The following TLL2 variants were observed in gnomAD, a reference collection of about 807,000 sequenced individuals.
TLL2 encodes tolloid like 2.
In TLL2, 106 loss-of-function variants were observed where a neutral mutation model predicts 123.0. The observed-to-expected ratio is 0.86, with a 90% CI of 0.74 to 1.01. The LOEUF (loss-of-function observed/expected upper bound fraction) is 1.01. TLL2 is among the 50% of genes least tolerant of loss of function. The pLI, the probability that TLL2 is intolerant of heterozygous loss-of-function variation, is 0.00. For synonymous variants in TLL2, 494 were observed against 516.8 expected (o/e 0.96, Z 0.60); for missense variants, 1,332 against 1,336.7 (o/e 1.00, Z 0.06).
intron 2 of TLL2, among the ~76,000 whole-genome samples, chr10:96,460,651 G>A (rs1047031375): frequency 6.6e-6 from 1 of 152,156 alleles, no homozygotes; most frequent in Non-Finnish European, 1.5e-5. Flanking sequence ...ATGTGAAGAT[G>A]TGCCTGTTTT....
intron 3 of TLL2, among the ~76,000 whole-genome samples, chr10:96,440,131 G>T (rs1293503108): frequency 6.6e-6 from 1 of 152,078 alleles, no homozygotes; most frequent in Non-Finnish European, 1.5e-5. Flanking sequence ...TGACCTACCT[G>T]CCCTCTACGG....
intron 1 of TLL2, among the ~76,000 whole-genome samples, chr10:96,482,051 A>T (rs1242789092): frequency 2.0e-5 from 3 of 152,108 alleles, no homozygotes; most frequent in Non-Finnish European, 4.4e-5. Flanking sequence ...AGGTCAGGAG[A>T]TCGAGACCAT....
intron 10 of TLL2, among the ~76,000 whole-genome samples, chr10:96,402,665 G>A (rs922478765): frequency 2.0e-5 from 3 of 152,206 alleles, no homozygotes; most frequent in Admixed American, 6.5e-5. Context: ...GCTCCTGTCC[G>A]TACTTGGCCT....
At chr10:96,375,799 G>A (rs559661020) in intron 18 of TLL2, among the ~76,000 whole-genome samples, 34 of 152,200 alleles carry the variant, frequency 2.2e-4, no homozygotes, top group African/African-American at 8.2e-4. Flanking sequence ...TTCCCTCTCT[G>A]TTCTCTTCCA....
intron 4 of TLL2, among the ~76,000 whole-genome samples, chr10:96,430,080 A>G (rs1846722325): frequency 6.6e-6 from 1 of 152,188 alleles, no homozygotes; most frequent in Non-Finnish European, 1.5e-5. Context: ...AAGCAAAACA[A>G]AACAGCTGAC....
intron 3 of TLL2, among the ~76,000 whole-genome samples, chr10:96,433,735 C>T (rs1450253033): frequency 6.6e-6 from 1 of 152,126 alleles, no homozygotes; most frequent in African/African-American, 2.4e-5. Flanking sequence ...TACTTTTTCC[C>T]CTAAAAATCA....
At chr10:96,416,294 A>G (rs545597953) in intron 7 of TLL2, among the ~76,000 whole-genome samples, 23 of 152,362 alleles carry the variant, frequency 1.5e-4, no homozygotes, top group African/African-American at 5.0e-4. Flanking sequence ...CATCACGTAG[A>G]TGACTTTGCC....
intron 18 of TLL2, 123 bp from the exon 19 acceptor site, chr10:96,373,932 A>G: frequency 1.3e-6 from 1 of 798,602 alleles, no homozygotes; most frequent in South Asian, 1.7e-5. Flanking sequence ...CTGGCTGTGC[A>G]GGGGGTGTGT....
chr10:96,480,550 G>T, intron 1 of TLL2, 91 bp from the exon 2 acceptor site: 1 of 1,017,170 alleles, frequency 9.8e-7, no homozygotes, highest in Non-Finnish European at 1.5e-6. Flanking sequence ...GGTGTTGGGT[G>T]GTAAACTTTG....
intron 1 of TLL2, among the ~76,000 whole-genome samples, chr10:96,487,796 G>A (rs578048644): frequency 1.8e-4 from 27 of 152,230 alleles, no homozygotes; most frequent in African/African-American, 5.3e-4. Context: ...TCCCAGTCCC[G>A]CAGCGGCTTC....
intron 1 of TLL2, among the ~76,000 whole-genome samples, chr10:96,509,128 C>G (rs974066020): frequency 9.2e-5 from 14 of 152,184 alleles, no homozygotes; most frequent in African/African-American, 3.4e-4. Flanking sequence ...CAACAGACAG[C>G]CTCAACAGCC....
chr10:96,491,988 G>A (rs1847418372), intron 1 of TLL2, among the ~76,000 whole-genome samples: 1 of 152,132 alleles, frequency 6.6e-6, no homozygotes. Flanking sequence ...TTTGGGGGCT[G>A]CAAAAGATAA....
chr10:96,396,030 G>A lies in TLL2; in HGVS notation c.1385-10C>T, dbSNP rs767536247. On this transcript the variant is annotated splice_polypyrimidine_tract_variant and intron_variant, in intron 11 of 20. Transcript: ENST00000357947. ...TCTCCCCCGCAGGTAGCTTTAGAAA[G>A]AGACATCAGGAGAGGAAGACGGGGG... The A allele has an allele frequency of 1.2e-6, 2 of 1,613,574 alleles. No homozygotes were observed. Among genetic ancestry groups the A allele is most frequent in the Non-Finnish European group, 1.7e-6 (2 of 1,179,628 alleles).
At chr10:96,422,893 C>T (rs528684730) in intron 5 of TLL2, among the ~76,000 whole-genome samples, 166 bp from the exon 6 acceptor site, 4 of 152,198 alleles carry the variant, frequency 2.6e-5, no homozygotes, top group South Asian at 2.1e-4. Flanking sequence ...TTTGGGAGGC[C>T]GAGGTGGGCG....
intron 7 of TLL2, among the ~76,000 whole-genome samples, chr10:96,417,704 A>G (rs1222432291): frequency 5.9e-5 from 9 of 152,128 alleles, no homozygotes; most frequent in Non-Finnish European, 1.3e-4. Context: ...GGAGGATGAG[A>G]CGCCACATGA....
At chr10:96,450,170 G>T (rs1846943175) in intron 2 of TLL2, among the ~76,000 whole-genome samples, 1 of 151,620 alleles carries the variant, frequency 6.6e-6, no homozygotes. Context: ...TGGATGGATG[G>T]ATGGATGGAT....
Position 96,370,265 on chromosome 10 carries a change from G to A in TLL2, c.2713C>T (p.His905Tyr), listed in dbSNP as rs1305956428. The stretch of plus-strand genomic sequence containing the variant: ...TAGTTGTTGTCCCCAAACTGGGCGT[G>A]GGAATAGAGCTCTTTGGTCTGCACT... ...AEVQTKELYS[H>Y]AQFGDNNYPS... Residue 905 changes from histidine to tyrosine, a missense_variant, in exon 20 of 21, where the codon CAC becomes TAC. Coordinates refer to ENST00000357947, the MANE Select transcript of TLL2 (RefSeq NM_012465.4). 5 of 1,610,480 alleles carry A rather than the reference G, an allele frequency of 3.1e-6. No homozygotes were observed. The highest frequency in any genetic ancestry group is 3.3e-5 in the Admixed American group (2 of 59,734).
chr10:96,479,125 A>C (rs1377792740), intron 2 of TLL2, among the ~76,000 whole-genome samples: 1 of 152,248 alleles, frequency 6.6e-6, no homozygotes, highest in East Asian at 1.9e-4. Context: ...GGTATTAAAA[A>C]TAATTGAAAA....
chr10:96,380,139 C>T (rs1289495273), intron 16 of TLL2, among the ~76,000 whole-genome samples: 1 of 152,202 alleles, frequency 6.6e-6, no homozygotes, highest in Non-Finnish European at 1.5e-5. Flanking sequence ...GAGCAGCATC[C>T]AGCCCACAGT....
Sources: allele counts gnomAD v4.1 joint callset (sites outside exome capture counted in the v4.1 genomes callset), GRCh38; gene constraint gnomAD v4.1.1; transcripts MANE v1.5; gene names NCBI Gene and HGNC (gene_info 2026-07-23, HGNC 2026-07-21).